MAPK8: variants seen among roughly 807,000 people sequenced by gnomAD.
MAPK8 encodes the protein mitogen-activated protein kinase 8, also known as JUN N-terminal kinase.
A neutral mutation model predicts 52.9 loss-of-function variants in MAPK8; 13 were observed. The observed-to-expected ratio is 0.25, with a 90% confidence interval of 0.16 to 0.39. MAPK8 has a LOEUF of 0.39. Ranked by LOEUF, MAPK8 falls within the 10% of genes least tolerant of loss-of-function variation. The probability of loss-of-function intolerance (pLI) is 1.00; values close to 1 mark genes in which losing one functional copy is unlikely to be tolerated. For missense variants in MAPK8, 300 were observed against 519.2 expected (o/e 0.58, Z 4.10); for synonymous variants, 191 against 169.8 (o/e 1.12, Z -0.97).
intron 3 of MAPK8, among the ~76,000 whole-genome samples, chr10:48,407,353 A>G (rs2042529465): frequency 6.6e-6 from 1 of 152,168 alleles, no homozygotes; most frequent in South Asian, 2.1e-4. Context: ...AAATCTTCAT[A>G]TACTGTGTCT....
At chr10:48,348,644 A>T (rs188347603) in intron 1 of MAPK8, among the ~76,000 whole-genome samples, 14 of 152,316 alleles carry the variant, frequency 9.2e-5, no homozygotes, top group African/African-American at 3.4e-4. Context: ...TAAGTAGGGA[A>T]TCCTTTCCCC....
intron 5 of MAPK8, among the ~76,000 whole-genome samples, chr10:48,416,239 G>A (rs1449375361): frequency 6.6e-6 from 1 of 152,206 alleles, no homozygotes; most frequent in Non-Finnish European, 1.5e-5. Context: ...CCACCATCTA[G>A]ATAGTTGCGG....
intron 1 of MAPK8, among the ~76,000 whole-genome samples, chr10:48,395,067 C>G (rs1169755463): frequency 6.6e-6 from 1 of 151,874 alleles, no homozygotes; most frequent in African/African-American, 2.4e-5. Flanking sequence ...CTCAAAATTA[C>G]TATAATACCA....
chr10:48,394,082 T>G (rs181762136), intron 1 of MAPK8, among the ~76,000 whole-genome samples: 53 of 152,036 alleles, frequency 3.5e-4, no homozygotes, highest in South Asian at 6.2e-4. Context: ...AAAGCCTGTT[T>G]AAGAAGAAAT....
intron 1 of MAPK8, among the ~76,000 whole-genome samples, chr10:48,391,707 G>T (rs542642571): frequency 1.3e-5 from 2 of 152,234 alleles, no homozygotes; most frequent in Non-Finnish European, 2.9e-5. Flanking sequence ...GATAGCATGA[G>T]ATCTCACAAG....
intron 10 of MAPK8, among the ~76,000 whole-genome samples, chr10:48,427,760 G>A (rs1379782249): frequency 6.6e-6 from 1 of 152,190 alleles, no homozygotes; most frequent in Non-Finnish European, 1.5e-5. Context: ...CCAAAGTGCT[G>A]GGATTATAGG....
chr10:48,327,568 T>G (rs1273839134), intron 1 of MAPK8, among the ~76,000 whole-genome samples: 1 of 152,224 alleles, frequency 6.6e-6, no homozygotes, highest in Non-Finnish European at 1.5e-5. Context: ...CTCTTTGTTT[T>G]ATTATTATTA....
At chr10:48,328,477 C>A (rs1455818749) in intron 1 of MAPK8, among the ~76,000 whole-genome samples, 1 of 152,138 alleles carries the variant, frequency 6.6e-6, no homozygotes. Flanking sequence ...CCTGGTTGAT[C>A]GTTGAATGCT....
chr10:48,432,683 G>A (rs1008930301), intron 11 of MAPK8, among the ~76,000 whole-genome samples: 2 of 152,182 alleles, frequency 1.3e-5, no homozygotes, highest in African/African-American at 2.4e-5. Flanking sequence ...CACAGCTGGA[G>A]TGCCAGATGT....
chr10:48,322,945 C>T (rs141136871), intron 1 of MAPK8, among the ~76,000 whole-genome samples: 85 of 152,118 alleles, frequency 5.6e-4, no homozygotes, highest in African/African-American at 2.0e-3. Flanking sequence ...GCTCTCAGTA[C>T]GATAATTGGT....
intron 1 of MAPK8, among the ~76,000 whole-genome samples, chr10:48,372,748 A>G (rs1010932727): frequency 2.0e-5 from 3 of 152,136 alleles, no homozygotes; most frequent in Non-Finnish European, 4.4e-5. Flanking sequence ...GACCAAATCT[A>G]CGTTTGATTG....
At chr10:48,376,391 ATCTGATTAAAGAGTT>A in intron 1 of MAPK8, among the ~76,000 whole-genome samples, 1 of 152,368 alleles carries the variant, frequency 6.6e-6, no homozygotes, top group South Asian at 2.1e-4. Flanking sequence ...GATAAATGGT[ATCTGATTAAAGAGTT>A]TCTGCACAGC....
intron 11 of MAPK8, among the ~76,000 whole-genome samples, chr10:48,434,095 C>T (rs529849109): frequency 2.2e-4 from 33 of 152,286 alleles, no homozygotes; most frequent in African/African-American, 7.2e-4. Context: ...ATTTCTGTCT[C>T]GAGCTCAGGT....
At chr10:48,408,480 A>G (rs762764275) in intron 3 of MAPK8, among the ~76,000 whole-genome samples, 3 of 152,262 alleles carry the variant, frequency 2.0e-5, no homozygotes, top group Non-Finnish European at 4.4e-5. Context: ...CATTTTAAAA[A>G]TGACATTCTT....
intron 1 of MAPK8, among the ~76,000 whole-genome samples, chr10:48,310,889 TTATTA>T (rs1213099787): frequency 6.6e-6 from 1 of 152,100 alleles, no homozygotes; most frequent in Non-Finnish European, 1.5e-5. Flanking sequence ...CTGTTACCCT[TTATTA>T]TATTTCAGAT....
chr10:48,398,957 G>A (rs896885446), intron 1 of MAPK8, among the ~76,000 whole-genome samples: 21 of 152,182 alleles, frequency 1.4e-4, no homozygotes, highest in South Asian at 2.1e-4. Flanking sequence ...TACATTAATC[G>A]AAACTCATCA....
At chr10:48,392,080 A>C (rs1589163035) in intron 1 of MAPK8, among the ~76,000 whole-genome samples, 1 of 152,132 alleles carries the variant, frequency 6.6e-6, no homozygotes, top group Non-Finnish European at 1.5e-5. Flanking sequence ...ACCATGTGGA[A>C]ATGGGATTGG....
At chr10:48,401,414 A>T (rs912780533) in intron 1 of MAPK8, among the ~76,000 whole-genome samples, 198 bp from the exon 2 acceptor site, 14 of 151,856 alleles carry the variant, frequency 9.2e-5, no homozygotes, top group South Asian at 4.2e-4. Context: ...TTTCTTTTTT[A>T]AAAAAAACTA....
chr10:48,433,289 A>C (rs10508903), intron 11 of MAPK8, among the ~76,000 whole-genome samples: 76,621 of 152,000 alleles, frequency 0.5, 19,925 homozygotes, highest in Middle Eastern at 0.72. Flanking sequence ...ATTTGGGTAA[A>C]ATAATAGACC....
Sources: allele counts gnomAD v4.1 joint callset (sites outside exome capture counted in the v4.1 genomes callset), GRCh38; gene constraint gnomAD v4.1.1; transcripts MANE v1.5; gene names NCBI Gene and HGNC (gene_info 2026-07-23, HGNC 2026-07-21).